The following ANKRD36C variants were observed in gnomAD, a reference collection of about 807,000 sequenced individuals.
ANKRD36C encodes the protein ankyrin repeat domain-containing protein 36C.
Under a neutral mutation model 276.4 loss-of-function variants are expected in ANKRD36C, and 61 were observed. The observed-to-expected ratio is 0.22, with a 90% CI of 0.18 to 0.27. The LOEUF is 0.27. Among genes scored for constraint, ANKRD36C ranks in the 10% least tolerant of loss-of-function variants. The probability of loss-of-function intolerance (pLI) is 1.00; values close to 1 mark genes in which losing one functional copy is unlikely to be tolerated. For synonymous variants in ANKRD36C, 483 were observed against 680.1 expected (o/e 0.71, Z 4.51); for missense variants, 1,447 against 2,032.3 (o/e 0.71, Z 5.54).
chr2:95,986,617 A>C (rs1679030802), intron 3 of ANKRD36C, 134 bp downstream of exon 3: 1 of 1,164,892 alleles, frequency 8.6e-7, no homozygotes, highest in South Asian at 1.9e-5. Flanking sequence ...AATCTTAGAC[A>C]GTTAAGGCAT....
chr2:95,883,672 CCTAAATAA>C (rs1676136154), intron 54 of ANKRD36C, among the ~76,000 whole-genome samples: 1 of 152,020 alleles, frequency 6.6e-6, no homozygotes, highest in Non-Finnish European at 1.5e-5. Context: ...AACAAAATTA[CCTAAATAA>C]CTTCTTATTT....
At chr2:95,984,508 G>A (rs1289975651) in intron 3 of ANKRD36C, among the ~76,000 whole-genome samples, 1 of 152,156 alleles carries the variant, frequency 6.6e-6, no homozygotes, top group African/African-American at 2.4e-5. Flanking sequence ...TATATTTGCT[G>A]TGGATATGTC....
In ANKRD36C at chr2:95,893,744, C is replaced by T. The variant is rs1676447417; in HGVS notation, c.2756-1884G>A. 26 of 1,604,420 alleles carry T rather than the reference C, an allele frequency of 1.6e-5. No individual in the cohort carries two copies. The highest frequency in any genetic ancestry group is 2.2e-5 in the Non-Finnish European group (26 of 1,177,050). ...AAGACACTGAAAAGCAAAAGGGATT[C>T]ATAATCACTCATATGTAAATATGAC... On this transcript the variant is annotated intron_variant, in intron 44 of 66. Coordinates refer to ENST00000456556, the Ensembl canonical transcript of ANKRD36C.
chr2:95,936,133 A>G (rs1677709086), intron 22 of ANKRD36C, among the ~76,000 whole-genome samples: 2 of 152,310 alleles, frequency 1.3e-5, no homozygotes, highest in Admixed American at 6.5e-5. Context: ...CCATCTCTTC[A>G]TTCACTTATG....
intron 1 of ANKRD36C, among the ~76,000 whole-genome samples, chr2:95,987,605 CTTTTTTT>C (rs35536038): frequency 6.9e-5 from 6 of 87,480 alleles, no homozygotes; most frequent in South Asian, 7.5e-4. Flanking sequence ...CTTACAAAGA[CTTTTTTT>C]TTTTTTTTTT....
intron 48 of ANKRD36C, among the ~76,000 whole-genome samples, chr2:95,889,206 A>C (rs1288734417): frequency 6.6e-6 from 1 of 151,528 alleles, no homozygotes; most frequent in Non-Finnish European, 1.5e-5. Context: ...GTAGTTCCTG[A>C]AGCACCCAAA....
At chr2:95,894,305 C>A (rs1294356718) in intron 44 of ANKRD36C, 1 of 154,202 alleles carries the variant, frequency 6.5e-6, no homozygotes, top group Non-Finnish European at 1.4e-5. Flanking sequence ...ATCTCTCACA[C>A]CCATGTGGTA....
At chr2:95,889,701 A>C in intron 48 of ANKRD36C, 98 bp downstream of exon 68, 2 of 1,439,194 alleles carry the variant, frequency 1.4e-6, no homozygotes, top group Non-Finnish European at 1.9e-6. Context: ...CTGAATCAGA[A>C]CATGAAGATT....
chr2:95,893,818 T>A, intron 44 of ANKRD36C, 94 bp from the exon 63 acceptor site: 2 of 1,586,706 alleles, frequency 1.3e-6, no homozygotes, highest in Non-Finnish European at 1.7e-6. Flanking sequence ...TCTGTCCTCC[T>A]GCCTGTATTA....
chr2:95,958,875 C>T, intron 10 of ANKRD36C, 90 bp from the exon 11 acceptor site: 1 of 1,236,162 alleles, frequency 8.1e-7, no homozygotes, highest in Non-Finnish European at 1.1e-6. Flanking sequence ...AAGCTGTATC[C>T]TCCTGCCTGA....
intron 6 of ANKRD36C, among the ~76,000 whole-genome samples, chr2:95,972,008 T>C (rs1279837970): frequency 2.0e-5 from 3 of 152,212 alleles, no homozygotes; most frequent in African/African-American, 7.2e-5. Flanking sequence ...TATGTTATAT[T>C]ACCATGTTAT....
At chr2:95,983,817 C>T (rs1336292821) in intron 3 of ANKRD36C, among the ~76,000 whole-genome samples, 4 of 150,864 alleles carry the variant, frequency 2.7e-5, no homozygotes, top group Non-Finnish European at 5.9e-5. Context: ...GGGGTTTCAC[C>T]GTGTTAGCCA....
At chr2:95,889,724 C>T (rs200418948) in intron 48 of ANKRD36C, 75 bp downstream of exon 68, 25 of 1,508,672 alleles carry the variant, frequency 1.7e-5, no homozygotes, top group Admixed American at 1.0e-4. Context: ...ACGAACCCCC[C>T]GCTGCTTTAT....
At chr2:95,896,797 C>T (rs1420282436) in intron 44 of ANKRD36C, among the ~76,000 whole-genome samples, 1 of 149,754 alleles carries the variant, frequency 6.7e-6, no homozygotes, top group East Asian at 2.0e-4. Context: ...CTTTTCACAC[C>T]TTCCTGCCTC....
At chr2:95,888,069 A>T (rs1294126234) in intron 49 of ANKRD36C, 23 bp downstream of exon 69, 1 of 1,609,826 alleles carries the variant, frequency 6.2e-7, no homozygotes, top group Non-Finnish European at 8.5e-7. Flanking sequence ...AATAGTTCAC[A>T]ATATAAATGA....
chr2:95,965,060 G>C (rs374741069), intron 6 of ANKRD36C, among the ~76,000 whole-genome samples: 1 of 151,734 alleles, frequency 6.6e-6, no homozygotes, highest in Non-Finnish European at 1.5e-5. Context: ...ATGAAGAATG[G>C]TGTAATTTTT....
At chr2:95,968,309 A>G (rs1371896338) in intron 6 of ANKRD36C, among the ~76,000 whole-genome samples, 13 of 152,230 alleles carry the variant, frequency 8.5e-5, no homozygotes. Context: ...CTTAGCATAT[A>G]CTTATCAAAT....
intron 42 of ANKRD36C, among the ~76,000 whole-genome samples, chr2:95,911,240 A>G (rs189311986): frequency 9.5e-4 from 144 of 151,616 alleles, no homozygotes; most frequent in African/African-American, 3.2e-3. Context: ...ACCAAAGGAT[A>G]ATATATTAGC....
At chr2:95,931,594 T>C (rs1366351412) in intron 24 of ANKRD36C, among the ~76,000 whole-genome samples, 1 of 149,598 alleles carries the variant, frequency 6.7e-6, no homozygotes, top group Non-Finnish European at 1.5e-5. Context: ...TTAACTACAA[T>C]GACAGTCTCT....
Sources: allele counts gnomAD v4.1 joint callset (sites outside exome capture counted in the v4.1 genomes callset), GRCh38; gene constraint gnomAD v4.1.1; transcripts MANE v1.5; gene names NCBI Gene and HGNC (gene_info 2026-07-23, HGNC 2026-07-21).